TRDN: variants seen among roughly 807,000 people sequenced by gnomAD.
The protein encoded by TRDN is triadin.
In TRDN, 161 loss-of-function variants were observed where a neutral mutation model predicts 149.7. The observed-to-expected ratio is 1.08, with a 90% CI of 0.95 to 1.23. The LOEUF (loss-of-function observed/expected upper bound fraction) is 1.23. Ranked by LOEUF, TRDN falls within the 50% of genes most tolerant of loss-of-function variation. The probability of loss-of-function intolerance (pLI) is 0.00; values close to 1 mark genes in which losing one functional copy is unlikely to be tolerated. For synonymous variants in TRDN, 294 were observed against 250.5 expected (o/e 1.17, Z -1.64); for missense variants, 896 against 823.5 (o/e 1.09, Z -1.08).
intron 7 of TRDN, among the ~76,000 whole-genome samples, chr6:123,507,686 A>T (rs1562353565): frequency 2.0e-5 from 3 of 152,204 alleles, no homozygotes; most frequent in Admixed American, 2.0e-4. Flanking sequence ...AAGTATTGCC[A>T]TGGGTATTCA....
Position 123,496,059 on chromosome 6 carries a change from T to C in TRDN, c.853+1134A>G, listed in dbSNP as rs1167322941. The stretch of plus-strand genomic sequence containing the variant: ...AATATATTATTAATAATATATATCA[T>C]TAATATTATTAATATTAATATAATA... On this transcript the variant is annotated intron_variant, in intron 9 of 40. Coordinates refer to ENST00000334268, the MANE Select transcript of TRDN (RefSeq NM_006073.4). Among the ~76,000 whole-genome samples, 3 of 146,178 alleles carry C rather than the reference T, an allele frequency of 2.1e-5. No individual in the cohort carries two copies. The Admixed American group carries it at 2.1e-4, about 10-fold the overall frequency.
chr6:123,396,329 T>C (rs1772732713), intron 12 of TRDN, among the ~76,000 whole-genome samples: 1 of 152,228 alleles, frequency 6.6e-6, no homozygotes, highest in Non-Finnish European at 1.5e-5. Flanking sequence ...CAACACCTAC[T>C]ACAGTATTTC....
At chr6:123,233,556 C>T (rs1405309695) in intron 38 of TRDN, among the ~76,000 whole-genome samples, 1 of 152,004 alleles carries the variant, frequency 6.6e-6, no homozygotes, top group Admixed American at 6.6e-5. Flanking sequence ...TGAATGAGGC[C>T]ACAGTGCTGG....
intron 4 of TRDN, among the ~76,000 whole-genome samples, chr6:123,540,561 C>A (rs1300647687): frequency 1.3e-5 from 2 of 152,198 alleles, no homozygotes; most frequent in Non-Finnish European, 2.9e-5. Flanking sequence ...GCTCTGTCAC[C>A]CAGACTGGAG....
At chr6:123,328,758 C>A (rs1330675313) in intron 23 of TRDN, among the ~76,000 whole-genome samples, 1 of 152,168 alleles carries the variant, frequency 6.6e-6, no homozygotes, top group Non-Finnish European at 1.5e-5. Context: ...TTTTCACCTT[C>A]TTTTCTTGAA....
At chr6:123,471,751 T>C (rs971596222) in intron 9 of TRDN, 5 of 152,188 alleles carry the variant, frequency 3.3e-5, no homozygotes, top group Admixed American at 1.3e-4. Flanking sequence ...TTAAAAATGA[T>C]AAAGGTAATA....
chr6:123,510,019 C>T (rs182124658), intron 7 of TRDN: 1 of 152,124 alleles, frequency 6.6e-6, no homozygotes, highest in East Asian at 1.9e-4. Context: ...AAAATGTCCA[C>T]TAGATTTCAT....
intron 38 of TRDN, among the ~76,000 whole-genome samples, chr6:123,251,037 T>C (rs1045390953): frequency 6.6e-5 from 10 of 152,156 alleles, no homozygotes; most frequent in Admixed American, 4.6e-4. Context: ...TACCTCCTTA[T>C]GTAGTCAGCT....
At position 123,278,287 on chromosome 6, in the gene TRDN, T is replaced by C. The variant is rs1474306357; in HGVS notation, c.1567+31A>G. 1.2e-5 allele frequency: 15 copies of C among 1,250,172 alleles called. No individual in the cohort carries two copies. In the East Asian group the frequency reaches 3.3e-4, roughly 28 times the overall value. 77.4% of individuals were successfully genotyped at this position (1,250,172 alleles called of 1,614,324 possible). ...GTGCTATTTATTCTAAACATGGAAATCATATATGTGTATAAATAAAATATA... is the reference window on the plus strand; with the variant it reads ...GTGCTATTTATTCTAAACATGGAAACCATATATGTGTATAAATAAAATATA... On this transcript the variant is annotated intron_variant, in intron 26 of 40. Coordinates refer to ENST00000334268, the MANE Select transcript of TRDN (RefSeq NM_006073.4).
At chr6:123,320,857 T>C (rs1779217256) in intron 23 of TRDN, among the ~76,000 whole-genome samples, 3 of 152,214 alleles carry the variant, frequency 2.0e-5, no homozygotes, top group African/African-American at 7.2e-5. Context: ...CTTTAAATCA[T>C]GAATCGTATT....
intron 5 of TRDN, among the ~76,000 whole-genome samples, chr6:123,523,116 C>A (rs1007600068): frequency 1.3e-5 from 2 of 152,086 alleles, no homozygotes; most frequent in African/African-American, 2.4e-5. Context: ...TGCTTAAATG[C>A]CCCCAGTGAA....
intron 23 of TRDN, among the ~76,000 whole-genome samples, chr6:123,328,648 C>T (rs1426046457): frequency 3.3e-5 from 5 of 152,128 alleles, no homozygotes; most frequent in African/African-American, 1.2e-4. Context: ...ACATGACTTG[C>T]TTCAGGTCCT....
intron 6 of TRDN, among the ~76,000 whole-genome samples, chr6:123,513,357 A>G (rs1431163013): frequency 6.6e-6 from 1 of 152,190 alleles, no homozygotes; most frequent in African/African-American, 2.4e-5. Context: ...GAGCACTTAC[A>G]ATGCAGCATT....
intron 12 of TRDN, among the ~76,000 whole-genome samples, chr6:123,425,232 GGTGTGTGTGTGTGTGTGTGTGTGT>G (rs60065532): frequency 1.4e-4 from 20 of 138,720 alleles, no homozygotes; most frequent in African/African-American, 5.1e-4. Context: ...CAGAGGTAGA[GGTGTGTGTGTGTGTGTGTGTGTGT>G]GTGTGTGTGT....
intron 21 of TRDN, among the ~76,000 whole-genome samples, chr6:123,345,770 TA>T (rs528059591): frequency 2.0e-5 from 3 of 152,190 alleles, no homozygotes; most frequent in Admixed American, 2.0e-4. Flanking sequence ...ATACATAATT[TA>T]AAAAATATAC....
At chr6:123,553,341 T>C (rs888265255) in intron 2 of TRDN, among the ~76,000 whole-genome samples, 5 of 152,112 alleles carry the variant, frequency 3.3e-5, no homozygotes, top group African/African-American at 1.2e-4. Context: ...GCTACCCTTA[T>C]GCTTTCCTTC....
intron 24 of TRDN, among the ~76,000 whole-genome samples, chr6:123,295,510 TTA>T (rs1778160229): frequency 6.6e-6 from 1 of 152,172 alleles, no homozygotes; most frequent in Admixed American, 6.6e-5. Flanking sequence ...CTATAATGTA[TTA>T]TATATTTTAA....
chr6:123,255,274 C>T, intron 36 of TRDN, 149 bp from the exon 37 acceptor site: 1 of 394,754 alleles, frequency 2.5e-6, no homozygotes, highest in East Asian at 3.9e-5. Flanking sequence ...CCAACTGGTA[C>T]CTAACAAAAA....
chr6:123,378,500 G>GT lies in TRDN; in HGVS notation c.1187-603_1187-602insA, dbSNP rs58884257. ...TGTGTGTGTGTGTGTGTGTGTGTGT[G>GT]GAGACAAAGTCTCACCATGTTGCCC... On this transcript the variant is annotated intron_variant, in intron 16 of 40. Coordinates refer to ENST00000334268, the MANE Select transcript of TRDN (RefSeq NM_006073.4). 2.9e-5 allele frequency among the ~76,000 whole-genome samples: 4 copies of GT among 136,510 alleles called. No individual in the cohort carries two copies. The South Asian group carries it at 6.9e-4, about 23-fold the overall frequency. The allele number at this position is 136,510 out of a possible 152,430, so 89.6% of individuals were successfully genotyped here.
Sources: gnomAD v4.1 joint callset for allele counts (sites outside exome capture counted in the v4.1 genomes callset) on GRCh38, gnomAD v4.1.1 for gene constraint, MANE v1.5 for transcripts, NCBI Gene and HGNC (gene_info 2026-07-23, HGNC 2026-07-21) for gene names.